STIM1: variants seen among roughly 807,000 people sequenced by gnomAD.
STIM1 encodes the protein stromal interaction molecule 1.
STIM1 carries 25 observed loss-of-function variants against 74.7 expected under a neutral mutation model. The ratio of observed to expected loss-of-function variants is 0.33; its 90% CI spans 0.24 to 0.47. The LOEUF (loss-of-function observed/expected upper bound fraction) is 0.47. Among genes scored for constraint, STIM1 ranks in the 20% least tolerant of loss-of-function variants. The pLI is 1.00. For synonymous variants in STIM1, 328 were observed against 348.8 expected (o/e 0.94, Z 0.66); for missense variants, 728 against 920.8 (o/e 0.79, Z 2.71).
chr11:4,069,989 G>A (rs930954595), intron 5 of STIM1, 37 bp from the exon 6 acceptor site: 2 of 1,611,686 alleles, frequency 1.2e-6, no homozygotes, highest in African/African-American at 1.3e-5. Context: ...GTGTGCAGTG[G>A]GCACCCTAAC....
intron 1 of STIM1, among the ~76,000 whole-genome samples, chr11:3,896,965 TA>T (rs896024046): frequency 6.6e-6 from 1 of 152,218 alleles, no homozygotes; most frequent in African/African-American, 2.4e-5. Context: ...GCTTGACACA[TA>T]ATAAGCTCTC....
At chr11:4,017,233 C>G (rs1410588841) in intron 2 of STIM1, among the ~76,000 whole-genome samples, 1 of 152,202 alleles carries the variant, frequency 6.6e-6, no homozygotes, top group Admixed American at 6.5e-5. Context: ...CTTTCTGACT[C>G]TTAAGGCCTG....
intron 2 of STIM1, among the ~76,000 whole-genome samples, chr11:4,021,051 C>G (rs1256927548): frequency 6.6e-6 from 1 of 152,050 alleles, no homozygotes; most frequent in African/African-American, 2.4e-5. Context: ...TTCTCCCATT[C>G]TGTAGGTTGT....
intron 2 of STIM1, among the ~76,000 whole-genome samples, chr11:4,013,440 A>T (rs1258133407): frequency 6.6e-6 from 1 of 151,734 alleles, no homozygotes; most frequent in South Asian, 2.1e-4. Context: ...CTTCTTCCTG[A>T]TTTAGTCTTG....
At chr11:3,903,965 G>T (rs1223430386) in intron 1 of STIM1, among the ~76,000 whole-genome samples, 1 of 152,146 alleles carries the variant, frequency 6.6e-6, no homozygotes, top group Non-Finnish European at 1.5e-5. Flanking sequence ...TTGGGAGGCT[G>T]AGGCGGGTAG....
intron 1 of STIM1, among the ~76,000 whole-genome samples, chr11:3,873,432 A>T (rs1245630780): frequency 2.0e-5 from 3 of 151,750 alleles, no homozygotes; most frequent in African/African-American, 7.3e-5. Flanking sequence ...AAAAAAAAAA[A>T]AAAAATTAAA....
intron 3 of STIM1, among the ~76,000 whole-genome samples, chr11:4,045,369 A>G (rs1241529353): frequency 6.6e-6 from 1 of 152,116 alleles, no homozygotes; most frequent in African/African-American, 2.4e-5. Context: ...TCCAGACCAT[A>G]GTAAATGATA....
At chr11:4,088,338 G>A (rs1265441562) in intron 12 of STIM1, among the ~76,000 whole-genome samples, 1 of 152,110 alleles carries the variant, frequency 6.6e-6, no homozygotes, top group Non-Finnish European at 1.5e-5. Context: ...TTACTCTGTT[G>A]CTTTTTTTTA....
chr11:3,973,360 C>T lies in STIM1; in HGVS notation c.270+5678C>T. ...CTAGCCATCTCTTTCTTCGACAGGG[C>T]ATCCCTAACTTCATAGTTGTGGCCA... is the stretch of plus-strand genomic sequence containing the variant. On this transcript the variant is annotated intron_variant, in intron 2 of 12. Transcript: ENST00000526596. 6 of 431,882 alleles carry T rather than the reference C, an allele frequency of 1.4e-5. 1 individual carries two copies. Among genetic ancestry groups the T allele is most frequent in the South Asian group, 1.1e-4 (6 of 53,374 alleles). 26.8% of individuals were successfully genotyped at this position (431,882 alleles called of 1,614,324 possible).
chr11:3,936,667 A>G (rs2092935283), intron 1 of STIM1, among the ~76,000 whole-genome samples: 1 of 152,238 alleles, frequency 6.6e-6, no homozygotes, highest in African/African-American at 2.4e-5. Context: ...GAGTGACCTT[A>G]GTAGTGGCTG....
chr11:4,045,755 A>C (rs1277477601), intron 3 of STIM1, among the ~76,000 whole-genome samples: 4 of 145,136 alleles, frequency 2.8e-5, no homozygotes, highest in African/African-American at 1.0e-4. Flanking sequence ...TCCATCCCTC[A>C]ACACTTCTTT....
At chr11:3,891,485 A>T (rs1420934452) in intron 1 of STIM1, among the ~76,000 whole-genome samples, 3 of 152,024 alleles carry the variant, frequency 2.0e-5, no homozygotes, top group Non-Finnish European at 4.4e-5. Flanking sequence ...GGGTTTCAAC[A>T]TGTTGGCCAG....
intron 1 of STIM1, among the ~76,000 whole-genome samples, chr11:3,937,393 C>G (rs965907097): frequency 6.6e-6 from 1 of 151,994 alleles, no homozygotes; most frequent in Non-Finnish European, 1.5e-5. Context: ...TTCCCTCTTT[C>G]TCTTTATGAA....
intron 2 of STIM1, among the ~76,000 whole-genome samples, chr11:4,013,119 G>A (rs1240835026): frequency 6.6e-6 from 1 of 152,132 alleles, no homozygotes; most frequent in Non-Finnish European, 1.5e-5. Flanking sequence ...TGCTGTATTC[G>A]GTGTGCCAGT....
intron 3 of STIM1, among the ~76,000 whole-genome samples, chr11:4,032,219 A>C (rs1451893771): frequency 6.6e-6 from 1 of 152,000 alleles, no homozygotes; most frequent in Non-Finnish European, 1.5e-5. Context: ...CTGTAGTCCC[A>C]GCTATTCAGG....
intron 1 of STIM1, among the ~76,000 whole-genome samples, chr11:3,964,755 C>T (rs1025461106): frequency 4.0e-5 from 6 of 148,182 alleles, no homozygotes; most frequent in Non-Finnish European, 8.9e-5. Flanking sequence ...GGCAGGGTCT[C>T]GCTCTGTTGC....
chr11:3,997,388 G>A (rs1364456604), intron 2 of STIM1, among the ~76,000 whole-genome samples: 3 of 152,216 alleles, frequency 2.0e-5, no homozygotes, highest in Non-Finnish European at 2.9e-5. Context: ...AGGCACAATG[G>A]CGTGCACCTG....
At chr11:4,082,377 C>T (rs201524899) in intron 8 of STIM1, 26 bp downstream of exon 8, 202 of 1,586,794 alleles carry the variant, frequency 1.3e-4, no homozygotes, top group Middle Eastern at 8.6e-4. Flanking sequence ...CTATTGTCCT[C>T]TTTTCTCCTT....
chr11:4,082,569 G>T (rs1225042553), intron 8 of STIM1, among the ~76,000 whole-genome samples: 2 of 152,162 alleles, frequency 1.3e-5, no homozygotes, highest in Non-Finnish European at 2.9e-5. Context: ...CCTGTCTTCT[G>T]GGAAAGATGA....
Sources: allele counts gnomAD v4.1 joint callset (sites outside exome capture counted in the v4.1 genomes callset), GRCh38; gene constraint gnomAD v4.1.1; transcripts MANE v1.5; gene names NCBI Gene and HGNC (gene_info 2026-07-23, HGNC 2026-07-21).